ERBB4: variants seen among roughly 807,000 people sequenced by gnomAD.
ERBB4 encodes receptor tyrosine-protein kinase erbB-4.
A neutral mutation model predicts 158.0 loss-of-function variants in ERBB4; 42 were observed. The ratio of observed to expected loss-of-function variants is 0.27; its 90% CI spans 0.21 to 0.34. The LOEUF is 0.34. Among genes scored for constraint, ERBB4 ranks in the 10% least tolerant of loss-of-function variants. The pLI is 1.00. For missense variants in ERBB4, 1,333 were observed against 1,624.1 expected, an observed-to-expected ratio of 0.82 and a Z score of 3.08; for synonymous variants, 583 against 558.7, an observed-to-expected ratio of 1.04 and a Z score of -0.61.
In ERBB4 at chr2:211,959,311, T is replaced by C. The variant is rs148087610; in HGVS notation, c.235-11695A>G. Among the ~76,000 whole-genome samples the C allele has an allele frequency of 7.5e-3, 1,145 of 152,210 alleles. 14 individuals carry two copies. The highest frequency in any genetic ancestry group is 0.025 in the African/African-American group (1,055 of 41,572). ...CTCCAATCTTCGTCTAATGACAAGA[T>C]TGCCACTAAGAAAATGATGGCTTGC... On this transcript the variant is annotated intron_variant, in intron 2 of 27. Coordinates refer to ENST00000342788, the MANE Select transcript of ERBB4 (RefSeq NM_005235.3).
At chr2:212,122,192 C>T (rs148312562) in intron 2 of ERBB4, among the ~76,000 whole-genome samples, 1,834 of 151,718 alleles carry the variant, frequency 0.012, 28 homozygotes, top group African/African-American at 0.038. Context: ...CACACATATA[C>T]GTATACAGTA....
chr2:211,565,968 G>A (rs951558798), intron 19 of ERBB4, among the ~76,000 whole-genome samples: 1 of 152,202 alleles, frequency 6.6e-6, no homozygotes, highest in African/African-American at 2.4e-5. Context: ...AGCTGCCCCA[G>A]GGAACAAGAA....
Position 211,944,193 on chromosome 2 carries a change from A to AGTGTG in ERBB4, c.421+3236_421+3237insCACAC, listed in dbSNP as rs765902597. On this transcript the variant is annotated intron_variant, in intron 3 of 27. Transcript: ENST00000342788. ...ATATATATACTATATATATATATATATATATACTATATATATATATACACA... is the reference window on the plus strand; with the variant it reads ...ATATATATACTATATATATATATATAGTGTGTATATACTATATATATATATACACA... 8.3e-3 allele frequency among the ~76,000 whole-genome samples: 534 copies of AGTGTG among 64,552 alleles called. 16 individuals carry two copies. Among genetic ancestry groups the AGTGTG allele is most frequent in the Non-Finnish European group, 0.011 (350 of 33,082 alleles). 42.3% of individuals were successfully genotyped at this position (64,552 alleles called of 152,430 possible). A position where few individuals can be genotyped will look rare whatever the true frequency, so the allele number is the denominator to read the frequency against.
At chr2:211,626,261 C>T (rs1224664624) in intron 17 of ERBB4, among the ~76,000 whole-genome samples, 1 of 152,070 alleles carries the variant, frequency 6.6e-6, no homozygotes, top group East Asian at 1.9e-4. Flanking sequence ...ACACCATCTA[C>T]CAAAGCATCA....
At chr2:212,133,423 GT>G (rs376496983) in intron 1 of ERBB4, among the ~76,000 whole-genome samples, 19 of 131,988 alleles carry the variant, frequency 1.4e-4, no homozygotes, top group East Asian at 2.1e-4. Flanking sequence ...TTTTGTTTTT[GT>G]TTTTTTTTTT....
chr2:211,402,800 T>C (rs1479419051), intron 25 of ERBB4, among the ~76,000 whole-genome samples: 1 of 152,016 alleles, frequency 6.6e-6, no homozygotes, highest in Admixed American at 6.6e-5. Context: ...TATTAAACTT[T>C]CAGAGACCAC....
At chr2:212,413,346 A>AT (rs147912825) in intron 1 of ERBB4, among the ~76,000 whole-genome samples, 3,542 of 151,804 alleles carry the variant, frequency 0.023, 139 homozygotes, top group African/African-American at 0.08. Flanking sequence ...CTACTCTCTT[A>AT]TTTACTTGTG....
intron 2 of ERBB4, among the ~76,000 whole-genome samples, chr2:212,066,937 C>T (rs1289997588): frequency 1.3e-5 from 2 of 151,876 alleles, no homozygotes; most frequent in African/African-American, 2.4e-5. Context: ...TAACCAATAT[C>T]AAACAAAGCA....
intron 16 of ERBB4, among the ~76,000 whole-genome samples, chr2:211,654,582 T>C (rs2071139179): frequency 6.6e-6 from 1 of 152,210 alleles, no homozygotes; most frequent in Admixed American, 6.5e-5. Flanking sequence ...TCAAAGTGAT[T>C]ATTATGCCAA....
At chr2:212,288,677 G>C (rs763011027) in intron 1 of ERBB4, among the ~76,000 whole-genome samples, 3 of 151,988 alleles carry the variant, frequency 2.0e-5, no homozygotes, top group Non-Finnish European at 2.9e-5. Flanking sequence ...CAAAGTGTCT[G>C]TGAGCCTAAT....
chr2:211,547,076 C>A (rs553421862), intron 20 of ERBB4, among the ~76,000 whole-genome samples: 1 of 151,914 alleles, frequency 6.6e-6, no homozygotes, highest in Admixed American at 6.6e-5. Context: ...TTGTGTAAAA[C>A]CAGTGAATCT....
rs928277599 is a variant in ERBB4, at chr2:212,108,819, A to G, written c.234+15933T>C. Among the ~76,000 whole-genome samples, 4 of 152,050 alleles carry G rather than the reference A, an allele frequency of 2.6e-5. No individual in the cohort carries two copies. The East Asian group carries it at 7.7e-4, about 29-fold the overall frequency. On this transcript the variant is annotated intron_variant, in intron 2 of 27. Transcript: ENST00000342788. ...GACAGAAGAGTCACAAAGAATAAAA[A>G]GACTTTAAAGTTTTCTAAACAACTT...
intron 2 of ERBB4, among the ~76,000 whole-genome samples, chr2:212,057,730 A>G (rs2077625636): frequency 6.6e-6 from 1 of 152,230 alleles, no homozygotes; most frequent in Non-Finnish European, 1.5e-5. Context: ...CTTTGAAACC[A>G]GTGAGAACAA....
chr2:212,328,691 T>TTC (rs1452958541), intron 1 of ERBB4, among the ~76,000 whole-genome samples: 2 of 152,040 alleles, frequency 1.3e-5, no homozygotes, highest in African/African-American at 4.8e-5. Flanking sequence ...CATACTGATA[T>TTC]TCTGATACAC....
intron 16 of ERBB4, 145 bp from the exon 17 acceptor site, chr2:211,630,739 GT>G: frequency 1.3e-6 from 1 of 785,882 alleles, no homozygotes; most frequent in Non-Finnish European, 2.0e-6. Flanking sequence ...AGTGCATTAG[GT>G]TTTGCTCTAC....
chr2:212,233,113 T>G (rs2083726280), intron 1 of ERBB4, among the ~76,000 whole-genome samples: 1 of 152,166 alleles, frequency 6.6e-6, no homozygotes, highest in Non-Finnish European at 1.5e-5. Context: ...TTGGATTCCT[T>G]TTTTAAATCA....
intron 1 of ERBB4, among the ~76,000 whole-genome samples, chr2:212,511,663 T>C (rs935870443): frequency 6.6e-6 from 1 of 152,116 alleles, no homozygotes; most frequent in Non-Finnish European, 1.5e-5. Flanking sequence ...GGGAGTCAAC[T>C]TAAAGGAAGA....
chr2:212,362,291 A>G (rs1200257213), intron 1 of ERBB4, among the ~76,000 whole-genome samples: 1 of 151,456 alleles, frequency 6.6e-6, no homozygotes, highest in Non-Finnish European at 1.5e-5. Flanking sequence ...AATAAATTTA[A>G]AAAGGAATGG....
intron 25 of ERBB4, among the ~76,000 whole-genome samples, chr2:211,398,453 G>C (rs1365455261): frequency 6.6e-6 from 1 of 152,114 alleles, no homozygotes; most frequent in Non-Finnish European, 1.5e-5. Flanking sequence ...ACCATTTCTT[G>C]ACTAGAGTAC....
Sources: gnomAD v4.1 joint callset for allele counts (sites outside exome capture counted in the v4.1 genomes callset) on GRCh38, gnomAD v4.1.1 for gene constraint, MANE v1.5 for transcripts, NCBI Gene and HGNC (gene_info 2026-07-23, HGNC 2026-07-21) for gene names.